Variants in ROBO1 observed in about 807,000 individuals in gnomAD.
ROBO1 encodes the protein roundabout guidance receptor 1.
ROBO1 carries 149 observed loss-of-function variants against 195.9 expected under a neutral mutation model. The ratio of observed to expected loss-of-function variants is 0.76; its 90% CI spans 0.67 to 0.87. ROBO1 has a LOEUF of 0.87. ROBO1 is among the 40% of genes least tolerant of loss of function. The probability of loss-of-function intolerance (pLI) is 0.00; values close to 1 mark genes in which losing one functional copy is unlikely to be tolerated. For missense variants in ROBO1, 1,933 were observed against 2,068.3 expected (o/e 0.93, Z 1.27); for synonymous variants, 816 against 733.2 (o/e 1.11, Z -1.82).
At chr3:79,373,260 A>C (rs114765410) in intron 2 of ROBO1, among the ~76,000 whole-genome samples, 1,536 of 152,152 alleles carry the variant, frequency 0.01, 26 homozygotes, top group African/African-American at 0.035. Context: ...TATCTATTTC[A>C]TTGTTAATAT....
intron 4 of ROBO1, among the ~76,000 whole-genome samples, chr3:78,791,983 C>T (rs1292404136): frequency 2.6e-5 from 4 of 152,164 alleles, no homozygotes; most frequent in Non-Finnish European, 5.9e-5. Flanking sequence ...ACTCATTCAG[C>T]TGCAGGTGTT....
intron 2 of ROBO1, among the ~76,000 whole-genome samples, chr3:79,180,593 T>C (rs1349523099): frequency 1.3e-5 from 2 of 152,176 alleles, no homozygotes; most frequent in Admixed American, 6.5e-5. Flanking sequence ...CTTGGGCAAA[T>C]TACCCCACCA....
chr3:79,765,382 CT>C (rs1379830249), intron 1 of ROBO1, among the ~76,000 whole-genome samples: 2 of 151,996 alleles, frequency 1.3e-5, no homozygotes, highest in African/African-American at 4.8e-5. Context: ...CTTCCTCTTC[CT>C]TTTTTTGGGG....
At chr3:79,558,495 G>T (rs1942793458) in intron 2 of ROBO1, among the ~76,000 whole-genome samples, 1 of 152,086 alleles carries the variant, frequency 6.6e-6, no homozygotes, top group South Asian at 2.1e-4. Context: ...TCAACTGTTG[G>T]CTATTAATAA....
In ROBO1 at chr3:78,956,869, T is replaced by C. The variant is rs117775842; in HGVS notation, c.173-17942A>G. Among the ~76,000 whole-genome samples the C allele has an allele frequency of 1.6e-3, 236 of 152,234 alleles. 2 individuals are homozygous for C. In the East Asian group the frequency reaches 0.031, roughly 20 times the overall value. ...TCCTTAAATTTAATTCTGAGGACACTGAAACCTGAAACGTGAACACAGTAT... is the reference window on the plus strand; with the variant it reads ...TCCTTAAATTTAATTCTGAGGACACCGAAACCTGAAACGTGAACACAGTAT... On this transcript the variant is annotated intron_variant, in intron 3 of 30. Coordinates refer to ENST00000464233, the MANE Select transcript of ROBO1 (RefSeq NM_002941.4).
At chr3:79,210,009 A>C (rs148623761) in intron 2 of ROBO1, among the ~76,000 whole-genome samples, 2,863 of 152,282 alleles carry the variant, frequency 0.019, 87 homozygotes, top group African/African-American at 0.064. Context: ...CCAAGGAGGC[A>C]AAAGATCTCT....
chr3:79,317,945 A>G (rs75695267), intron 2 of ROBO1, among the ~76,000 whole-genome samples: 6,706 of 152,262 alleles, frequency 0.044, 274 homozygotes, highest in African/African-American at 0.11. Flanking sequence ...TATTTATTAT[A>G]AGAAATTGGC....
At chr3:79,541,755 A>ATG (rs139123142) in intron 2 of ROBO1, among the ~76,000 whole-genome samples, 85,007 of 149,116 alleles carry the variant, frequency 0.57, 24,362 homozygotes, top group Non-Finnish European at 0.59. Context: ...ACACACACAT[A>ATG]TGTGTGTGTG....
chr3:79,297,050 T>A (rs2109046386), intron 2 of ROBO1, among the ~76,000 whole-genome samples: 1 of 152,312 alleles, frequency 6.6e-6, no homozygotes, highest in South Asian at 2.1e-4. Flanking sequence ...GTTCTGTTTT[T>A]GTTTTAATGT....
chr3:78,642,313 C>T (rs1434507737), intron 21 of ROBO1, among the ~76,000 whole-genome samples: 1 of 152,172 alleles, frequency 6.6e-6, no homozygotes, highest in Admixed American at 6.6e-5. Flanking sequence ...CCAAGAAAGC[C>T]TATTTGAACT....
chr3:79,700,660 C>T (rs1221425973), intron 1 of ROBO1, among the ~76,000 whole-genome samples: 1 of 151,600 alleles, frequency 6.6e-6, no homozygotes, highest in Non-Finnish European at 1.5e-5. Flanking sequence ...TTGTTGGCCA[C>T]CTGTATGTCT....
At chr3:78,696,867 C>A (rs1314328299) in intron 8 of ROBO1, among the ~76,000 whole-genome samples, 1 of 151,520 alleles carries the variant, frequency 6.6e-6, no homozygotes, top group East Asian at 1.9e-4. Context: ...AGACTTAATG[C>A]TGGTTGAAAA....
intron 3 of ROBO1, among the ~76,000 whole-genome samples, chr3:79,097,134 A>G (rs2079585307): frequency 6.6e-6 from 1 of 151,872 alleles, no homozygotes; most frequent in Non-Finnish European, 1.5e-5. Flanking sequence ...GCATGGCATA[A>G]GGTAGAAATC....
intron 2 of ROBO1, among the ~76,000 whole-genome samples, chr3:79,301,536 A>T (rs2109062051): frequency 6.6e-6 from 1 of 152,230 alleles, no homozygotes; most frequent in South Asian, 2.1e-4. Flanking sequence ...CAGTGTTTCA[A>T]CCTCTGTAGG....
intron 5 of ROBO1, among the ~76,000 whole-genome samples, chr3:78,728,046 CAGTTCTTCTTGGTTAGCAA>C (rs1362501875): frequency 3.3e-5 from 5 of 152,020 alleles, no homozygotes; most frequent in Non-Finnish European, 7.4e-5. Context: ...AGCCAAATCA[CAGTTCTTCTTGGTTAGCAA>C]AGTTTATTAA....
chr3:79,619,904 C>T (rs1234578232), intron 1 of ROBO1, among the ~76,000 whole-genome samples: 1 of 152,120 alleles, frequency 6.6e-6, no homozygotes, highest in African/African-American at 2.4e-5. Context: ...ACTTAATTAA[C>T]CTCGCCTTCA....
At position 78,634,019 on chromosome 3, in the gene ROBO1, G is replaced by A. The variant is rs777236646; in HGVS notation, c.3397C>T (p.Pro1133Ser). Residue 1133 changes from proline to serine, a missense_variant, in exon 24 of 31, where the codon CCT (proline) becomes TCT (serine). Physicochemically the swap from Pro to Ser is moderately conservative, Grantham distance 74. Around this residue, in one of 3 missense-constraint regions of ROBO1, gnomAD observed 1,737 missense variants for 1,882.5 expected, o/e 0.92. Transcript: ENST00000464233. ...NKDYRANDTV[P>S]PTIPYNQSYD... ...GATTGGTTGTATGGGATAGTTGGAG[G>A]AACTGTGTCATTTGCTCGATAATCT... is the stretch of plus-strand genomic sequence containing the variant. The A allele has an allele frequency of 1.2e-6, 2 of 1,610,014 alleles. No individual in the cohort carries two copies. The highest frequency in any genetic ancestry group is 2.2e-5 in the South Asian group (2 of 90,752).
chr3:78,979,451 A>G (rs114304762), intron 3 of ROBO1, among the ~76,000 whole-genome samples: 2,150 of 152,320 alleles, frequency 0.014, 57 homozygotes, highest in African/African-American at 0.049. Flanking sequence ...TGAAATTTAC[A>G]GTCCCTTTAA....
chr3:78,931,413 AT>A (rs1378583776), intron 4 of ROBO1, among the ~76,000 whole-genome samples: 1 of 151,538 alleles, frequency 6.6e-6, no homozygotes, highest in Non-Finnish European at 1.5e-5. Flanking sequence ...TGCCCGTCTA[AT>A]TTTGTATTTT....
Sources: gnomAD v4.1 joint callset for allele counts (sites outside exome capture counted in the v4.1 genomes callset) on GRCh38, gnomAD v4.1.1 for gene constraint, gnomAD v4.1.1 regional missense constraint, MANE v1.5 for transcripts, NCBI Gene and HGNC (gene_info 2026-07-23, HGNC 2026-07-21) for gene names.